Variants in INPP4B observed in about 807,000 individuals in gnomAD.
INPP4B encodes inositol polyphosphate 4-phosphatase type II.
In INPP4B, 55 loss-of-function variants were observed where a neutral mutation model predicts 122.5. The ratio of observed to expected loss-of-function variants is 0.45; its 90% CI spans 0.36 to 0.56. The LOEUF (loss-of-function observed/expected upper bound fraction) is 0.56, where lower values mean the gene tolerates loss of function less well. Among genes scored for constraint, INPP4B ranks in the 20% least tolerant of loss-of-function variants. The pLI, the probability that INPP4B is intolerant of heterozygous loss-of-function variation, is 0.00. For missense variants in INPP4B, 1,000 were observed against 1,097.7 expected, an observed-to-expected ratio of 0.91 and a Z score of 1.26; for synonymous variants, 403 against 388.7, an observed-to-expected ratio of 1.04 and a Z score of -0.43.
chr4:142,199,322 A>T (rs1839712909), intron 14 of INPP4B, among the ~76,000 whole-genome samples: 1 of 152,056 alleles, frequency 6.6e-6, no homozygotes, highest in Non-Finnish European at 1.5e-5. Context: ...GTCAATAAAA[A>T]CATTAGAATC....
intron 16 of INPP4B, among the ~76,000 whole-genome samples, chr4:142,161,972 A>C (rs67039841): frequency 0.095 from 14,470 of 151,756 alleles, 897 homozygotes; most frequent in South Asian, 0.21. Context: ...ACCCGCCATA[A>C]AACTAGATGT....
chr4:142,107,044 T>C (rs987848205), intron 23 of INPP4B, among the ~76,000 whole-genome samples: 4 of 152,186 alleles, frequency 2.6e-5, no homozygotes, highest in African/African-American at 9.6e-5. Context: ...AATTTAATAC[T>C]TAAAGTATGC....
At chr4:142,504,243 C>T (rs1410571975) in intron 2 of INPP4B, among the ~76,000 whole-genome samples, 3 of 151,916 alleles carry the variant, frequency 2.0e-5, no homozygotes, top group Non-Finnish European at 2.9e-5. Context: ...GAACAGTTCA[C>T]AGAGGAAAAA....
chr4:142,642,549 G>C lies in INPP4B; in HGVS notation c.-191+83290C>G, dbSNP rs555357905. Reference sequence around the variant, plus strand: ...AATCCTTTCCCCATTGCTTGTTTTTGTCAGGTTTGTCAAAGATCAGATAGT... The same window carrying C: ...AATCCTTTCCCCATTGCTTGTTTTTCTCAGGTTTGTCAAAGATCAGATAGT... On this transcript the variant is annotated intron_variant, in intron 2 of 25. Coordinates refer to ENST00000262992, the MANE Select transcript of INPP4B (RefSeq NM_001101669.3). Among the ~76,000 whole-genome samples the C allele has an allele frequency of 1.7e-3, 256 of 152,178 alleles. 1 individual carries two copies. Among genetic ancestry groups the C allele is most frequent in the African/African-American group, 5.1e-3 (210 of 41,512 alleles).
At chr4:142,841,940 G>A (rs999129358) in intron 1 of INPP4B, among the ~76,000 whole-genome samples, 96 of 151,734 alleles carry the variant, frequency 6.3e-4, no homozygotes, top group Admixed American at 5.9e-4. Context: ...TTCATAACCA[G>A]AAGAGTATGT....
At chr4:142,716,265 A>C (rs1470359873) in intron 2 of INPP4B, among the ~76,000 whole-genome samples, 1 of 152,218 alleles carries the variant, frequency 6.6e-6, no homozygotes, top group Non-Finnish European at 1.5e-5. Context: ...AAAATTGTTT[A>C]GTTCTCAAAT....
intron 1 of INPP4B, among the ~76,000 whole-genome samples, chr4:142,787,559 A>G (rs1775928465): frequency 6.6e-6 from 1 of 152,102 alleles, no homozygotes; most frequent in Non-Finnish European, 1.5e-5. Flanking sequence ...TGAGACACCT[A>G]TAAGCTGGGT....
intron 7 of INPP4B, among the ~76,000 whole-genome samples, chr4:142,371,874 T>A: frequency 6.7e-6 from 1 of 148,908 alleles, no homozygotes; most frequent in African/African-American, 2.5e-5. Flanking sequence ...GGCATGGAAG[T>A]CTCTCAAAAA....
At chr4:142,178,527 T>G (rs959675516) in intron 15 of INPP4B, among the ~76,000 whole-genome samples, 1 of 152,188 alleles carries the variant, frequency 6.6e-6, no homozygotes, top group African/African-American at 2.4e-5. Context: ...CTGTTACTTA[T>G]CCATCCTTTC....
At chr4:142,194,672 T>G (rs1244659800) in intron 14 of INPP4B, among the ~76,000 whole-genome samples, 2 of 152,186 alleles carry the variant, frequency 1.3e-5, no homozygotes, top group East Asian at 3.8e-4. Context: ...CTCAGGGACT[T>G]CTGGCTTCTA....
intron 7 of INPP4B, among the ~76,000 whole-genome samples, chr4:142,349,278 G>C (rs1178551314): frequency 6.6e-6 from 1 of 151,984 alleles, no homozygotes; most frequent in Non-Finnish European, 1.5e-5. Context: ...ACTGATATAC[G>C]AGAGATAAAA....
chr4:142,836,218 T>C (rs1189765632), intron 1 of INPP4B, among the ~76,000 whole-genome samples: 1 of 152,124 alleles, frequency 6.6e-6, no homozygotes, highest in African/African-American at 2.4e-5. Context: ...CTTTACAACA[T>C]TATTCTAAAA....
intron 1 of INPP4B, among the ~76,000 whole-genome samples, chr4:142,782,592 C>A (rs1333425541): frequency 6.6e-6 from 1 of 151,494 alleles, no homozygotes; most frequent in Non-Finnish European, 1.5e-5. Context: ...AGTTTACAGT[C>A]CCACCAACAG....
intron 7 of INPP4B, among the ~76,000 whole-genome samples, chr4:142,360,728 G>A (rs1207257630): frequency 4.0e-5 from 6 of 151,868 alleles, no homozygotes; most frequent in African/African-American, 1.2e-4. Flanking sequence ...CAAGATGATG[G>A]TTATGGTGAC....
At chr4:142,412,306 A>C (rs1186528647) in intron 5 of INPP4B, among the ~76,000 whole-genome samples, 2 of 152,122 alleles carry the variant, frequency 1.3e-5, no homozygotes, top group African/African-American at 4.8e-5. Flanking sequence ...TATTAGTATA[A>C]TATGCTTTTC....
chr4:142,138,764 A>G (rs887104712), intron 18 of INPP4B, among the ~76,000 whole-genome samples: 1 of 152,168 alleles, frequency 6.6e-6, no homozygotes, highest in African/African-American at 2.4e-5. Flanking sequence ...AAAGTTCATC[A>G]AAGTACTTGT....
intron 23 of INPP4B, among the ~76,000 whole-genome samples, chr4:142,098,176 A>T (rs1260759235): frequency 6.6e-6 from 1 of 152,118 alleles, no homozygotes; most frequent in Non-Finnish European, 1.5e-5. Flanking sequence ...AGCCACTAAA[A>T]AGTCCCAAGA....
At chr4:142,608,402 A>T (rs945445268) in intron 2 of INPP4B, among the ~76,000 whole-genome samples, 1 of 152,176 alleles carries the variant, frequency 6.6e-6, no homozygotes, top group Non-Finnish European at 1.5e-5. Flanking sequence ...CCTAAAAAAT[A>T]TCTTTTCTTG....
chr4:142,317,948 T>G (rs571182172), intron 7 of INPP4B, among the ~76,000 whole-genome samples: 24 of 151,994 alleles, frequency 1.6e-4, no homozygotes, highest in African/African-American at 5.1e-4. Context: ...AGAAGTGGAG[T>G]TTTATTCCAC....
Sources: gnomAD v4.1 joint callset for allele counts (sites outside exome capture counted in the v4.1 genomes callset) on GRCh38, gnomAD v4.1.1 for gene constraint, MANE v1.5 for transcripts, NCBI Gene and HGNC (gene_info 2026-07-23, HGNC 2026-07-21) for gene names.